The following TTC28 variants were observed in gnomAD, a reference collection of about 807,000 sequenced individuals.
TTC28 encodes the protein tetratricopeptide repeat protein 28.
In TTC28, 61 loss-of-function variants were observed where a neutral mutation model predicts 198.0. That is an observed-to-expected ratio of 0.31 (90% CI 0.25 to 0.38). The LOEUF (loss-of-function observed/expected upper bound fraction) is 0.38. TTC28 is among the 10% of genes least tolerant of loss of function. The pLI, the probability that TTC28 is intolerant of heterozygous loss-of-function variation, is 1.00. For missense variants in TTC28, 2,678 were observed against 3,164.0 expected (o/e 0.85, Z 3.69); for synonymous variants, 1,171 against 1,297.8 (o/e 0.90, Z 2.10).
chr22:28,030,688 T>C (rs1251020719), intron 12 of TTC28, among the ~76,000 whole-genome samples: 1 of 152,256 alleles, frequency 6.6e-6, no homozygotes, highest in Non-Finnish European at 1.5e-5. Context: ...ACAGACTAGA[T>C]GAGGTGCTGT....
At chr22:28,305,298 G>A (rs2045120948) in intron 3 of TTC28, among the ~76,000 whole-genome samples, 1 of 152,026 alleles carries the variant, frequency 6.6e-6, no homozygotes, top group Non-Finnish European at 1.5e-5. Context: ...GCCAGTCAGA[G>A]TTTATTAACA....
chr22:28,293,836 T>A (rs1444356034), intron 5 of TTC28, among the ~76,000 whole-genome samples: 1 of 152,128 alleles, frequency 6.6e-6, no homozygotes, highest in African/African-American at 2.4e-5. Flanking sequence ...CAGATAAATA[T>A]GCTTGAGCAA....
In TTC28 at chr22:27,981,750, T is replaced by A. The variant is rs1937029679; in HGVS notation, c.*471A>T. On this transcript the variant is annotated 3_prime_UTR_variant, in exon 23 of 23. Coordinates refer to ENST00000397906, the MANE Select transcript of TTC28 (RefSeq NM_001145418.2). ...ATAACACTTTCCTGTAGAATTCAAC[T>A]GAAATTTCATATATCCCACCCCCAA... The A allele has an allele frequency of 6.5e-6, 1 of 154,280 alleles. No individual in the cohort carries two copies. The highest frequency in any genetic ancestry group is 2.4e-5 in the African/African-American group (1 of 41,530). 9.6% of individuals were successfully genotyped at this position (154,280 alleles called of 1,614,324 possible). A position where few individuals can be genotyped will look rare whatever the true frequency, so the allele number is the denominator to read the frequency against.
At chr22:28,126,807 T>C (rs189602243) in intron 6 of TTC28, among the ~76,000 whole-genome samples, 97 of 152,346 alleles carry the variant, frequency 6.4e-4, no homozygotes, top group African/African-American at 2.1e-3. Context: ...GCCCTTCATA[T>C]ACTAATATGC....
chr22:28,112,898 A>C (rs1328548464), intron 6 of TTC28, among the ~76,000 whole-genome samples: 1 of 152,098 alleles, frequency 6.6e-6, no homozygotes, highest in Non-Finnish European at 1.5e-5. Flanking sequence ...GTGTGTGGAG[A>C]AAGGACACAT....
At chr22:28,040,131 G>T (rs1013795453) in intron 12 of TTC28, among the ~76,000 whole-genome samples, 1 of 152,180 alleles carries the variant, frequency 6.6e-6, no homozygotes, top group Non-Finnish European at 1.5e-5. Context: ...GGACCAGACA[G>T]ATTCACAGCC....
At chr22:28,124,758 T>G (rs1253466639) in intron 6 of TTC28, among the ~76,000 whole-genome samples, 1 of 152,212 alleles carries the variant, frequency 6.6e-6, no homozygotes, top group African/African-American at 2.4e-5. Context: ...CATCTCTAGA[T>G]AGCTCACCTG....
At chr22:28,499,058 G>A (rs190807666) in intron 2 of TTC28, among the ~76,000 whole-genome samples, 1 of 151,886 alleles carries the variant, frequency 6.6e-6, no homozygotes, top group African/African-American at 2.4e-5. Flanking sequence ...CACGCCTGTG[G>A]TCCCAGCTAC....
chr22:28,134,604 G>A (rs1167609346), intron 6 of TTC28, among the ~76,000 whole-genome samples: 2 of 152,190 alleles, frequency 1.3e-5, no homozygotes, highest in East Asian at 3.8e-4. Flanking sequence ...ATCAGTGATT[G>A]AAGATCAAAT....
intron 2 of TTC28, among the ~76,000 whole-genome samples, chr22:28,468,494 A>T (rs776814801): frequency 6.6e-6 from 1 of 151,314 alleles, no homozygotes; most frequent in Non-Finnish European, 1.5e-5. Context: ...CATTTCTTTC[A>T]TACTTAAAAG....
intron 2 of TTC28, among the ~76,000 whole-genome samples, chr22:28,385,046 C>G (rs2046555514): frequency 6.7e-6 from 1 of 149,144 alleles, no homozygotes; most frequent in Non-Finnish European, 1.5e-5. Flanking sequence ...GAGGCTGAGG[C>G]AGAAGAATTG....
intron 2 of TTC28, among the ~76,000 whole-genome samples, chr22:28,598,694 A>C (rs1341232110): frequency 3.3e-5 from 5 of 152,134 alleles, no homozygotes; most frequent in African/African-American, 1.2e-4. Context: ...ATTATCCTGG[A>C]TATAAAGAGT....
chr22:28,173,165 T>C (rs1922843520), intron 5 of TTC28, among the ~76,000 whole-genome samples: 1 of 152,218 alleles, frequency 6.6e-6, no homozygotes, highest in African/African-American at 2.4e-5. Context: ...TCCGGTATTT[T>C]ACAGCCCCTG....
intron 2 of TTC28, among the ~76,000 whole-genome samples, chr22:28,351,773 A>C (rs2045999926): frequency 1.3e-5 from 2 of 152,206 alleles, no homozygotes; most frequent in African/African-American, 2.4e-5. Flanking sequence ...ACTAGTCAGC[A>C]ATCTTTTATC....
At chr22:28,465,613 A>T (rs2048008331) in intron 2 of TTC28, among the ~76,000 whole-genome samples, 1 of 151,938 alleles carries the variant, frequency 6.6e-6, no homozygotes, top group African/African-American at 2.4e-5. Flanking sequence ...AACAAGAGCG[A>T]AACTCCGTCT....
chr22:28,430,290 C>T (rs576112893), intron 2 of TTC28, among the ~76,000 whole-genome samples: 1 of 152,190 alleles, frequency 6.6e-6, no homozygotes, highest in East Asian at 1.9e-4. Flanking sequence ...CTTGTACTCT[C>T]TAAATTTACC....
intron 9 of TTC28, 107 bp downstream of exon 9, chr22:28,101,064 T>C (rs1601619816): frequency 1.3e-6 from 1 of 757,258 alleles, no homozygotes; most frequent in Non-Finnish European, 2.1e-6. Flanking sequence ...AGCCCAAGGG[T>C]AGAAGTCAGT....
chr22:28,046,022 C>G (rs544601149), intron 12 of TTC28, among the ~76,000 whole-genome samples: 1 of 152,168 alleles, frequency 6.6e-6, no homozygotes, highest in South Asian at 2.1e-4. Flanking sequence ...GAGACCCAGG[C>G]AAGAGCATAC....
intron 2 of TTC28, among the ~76,000 whole-genome samples, chr22:28,423,554 T>G (rs1349763668): frequency 6.6e-6 from 1 of 152,218 alleles, no homozygotes; most frequent in African/African-American, 2.4e-5. Context: ...TGGACTAAAG[T>G]AATTTATAAT....
Sources: gnomAD v4.1 joint callset for allele counts (sites outside exome capture counted in the v4.1 genomes callset) on GRCh38, gnomAD v4.1.1 for gene constraint, MANE v1.5 for transcripts, NCBI Gene and HGNC (gene_info 2026-07-23, HGNC 2026-07-21) for gene names.